The following STK17A variants were observed in gnomAD, a reference collection of about 807,000 sequenced individuals.
STK17A encodes the protein serine/threonine-protein kinase 17A.
Under a neutral mutation model 43.7 loss-of-function variants are expected in STK17A, and 26 were observed. The ratio of observed to expected loss-of-function variants is 0.60; its 90% confidence interval spans 0.44 to 0.83. The LOEUF (loss-of-function observed/expected upper bound fraction) is 0.83, where lower values mean the gene tolerates loss of function less well. Ranked by LOEUF, STK17A falls within the 40% of genes least tolerant of loss-of-function variation. The pLI, the probability that STK17A is intolerant of heterozygous loss-of-function variation, is 0.00. For missense variants in STK17A, 476 were observed against 511.6 expected (o/e 0.93, Z 0.67); for synonymous variants, 191 against 182.5 (o/e 1.05, Z -0.38).
intron 3 of STK17A, 146 bp downstream of exon 3, chr7:43,608,546 T>C (rs920533556): frequency 2.3e-5 from 20 of 868,322 alleles, no homozygotes; most frequent in Non-Finnish European, 3.4e-5. Context: ...TCCTATCCTC[T>C]AGCCAGTTAG....
At position 43,608,361 on chromosome 7, in the gene STK17A, CTT is replaced by C; in HGVS notation, c.529_530del (p.Leu177ThrfsTer4). On this transcript the variant is annotated frameshift_variant, in exon 3 of 7. Coordinates refer to ENST00000319357, the MANE Select transcript of STK17A (RefSeq NM_004760.3). LOFTEE classifies it high-confidence loss of function. ...TGCGACAGATTTTAGAAGGTGTTCA[CTT>C]TTTACACACTCGTGATGTAGTTCAT... ...LMRQILEGVHFLHTRDVVHLD... is the reference protein window; with the variant it reads ...LMRQILEGVHXLHTRDVVHLD... 1 of 1,613,878 alleles carries C rather than the reference CTT, an allele frequency of 6.2e-7. No homozygotes were observed. The highest frequency in any genetic ancestry group is 8.5e-7 in the Non-Finnish European group (1 of 1,179,946).
At position 43,623,621 on chromosome 7, in the gene STK17A, G is replaced by A. The variant is rs1377929074; in HGVS notation, c.740+1G>A. 1 of 1,610,532 alleles carries A rather than the reference G, an allele frequency of 6.2e-7. No homozygotes were observed. The highest frequency in any genetic ancestry group is 8.5e-7 in the Non-Finnish European group (1 of 1,178,764). ...CTATAAGCATGGCAACAGATATGTG[G>A]TAAGAGTTATTAATGAAAAATTGAT... On this transcript the variant is annotated splice_donor_variant, in intron 5 of 6. Coordinates refer to ENST00000319357, the MANE Select transcript of STK17A (RefSeq NM_004760.3). LOFTEE classifies it high-confidence loss of function.
Position 43,623,821 on chromosome 7 carries a change from G to T in STK17A, c.853G>T (p.Glu285Ter). 6.2e-7 allele frequency: 1 copy of T among 1,602,778 alleles called. No homozygotes were observed. Among genetic ancestry groups the T allele is most frequent in the South Asian group, 1.1e-5 (1 of 87,984 alleles). ...ISQMNLSYSE[E>*]EFDVLSESAV... ...ACAGATGAATTTAAGTTATTCTGAG[G>T]AAGAATTTGATGTTTTGTCTGAGTC... The change falls in exon 6 of 7, where the codon GAA becomes TAA. Residue 285 changes from glutamate (E) to a stop codon, truncating the protein, a stop_gained. Coordinates refer to ENST00000319357, the MANE Select transcript of STK17A (RefSeq NM_004760.3). LOFTEE classifies it high-confidence loss of function.
chr7:43,586,302 T>C (rs2152970228), intron 1 of STK17A, among the ~76,000 whole-genome samples: 1 of 151,664 alleles, frequency 6.6e-6, no homozygotes, highest in South Asian at 2.1e-4. Flanking sequence ...ATCTAAAACT[T>C]TCAATGAGAT....
At chr7:43,593,113 A>G (rs1053458347) in intron 1 of STK17A, among the ~76,000 whole-genome samples, 3 of 152,062 alleles carry the variant, frequency 2.0e-5, no homozygotes, top group African/African-American at 7.3e-5. Context: ...TTTCCACTCT[A>G]TGCCTGTGTA....
intron 3 of STK17A, among the ~76,000 whole-genome samples, chr7:43,610,930 A>G (rs139423265): frequency 9.1e-4 from 139 of 152,280 alleles, no homozygotes; most frequent in African/African-American, 3.2e-3. Context: ...CAGCCTAGCC[A>G]ACATGGTGAA....
In STK17A at chr7:43,627,323, A is replaced by ATT. The variant is rs1156661900; in HGVS notation, c.*2485_*2486dup. On this transcript the variant is annotated 3_prime_UTR_variant, in exon 7 of 7. Coordinates refer to ENST00000319357, the MANE Select transcript of STK17A (RefSeq NM_004760.3). ...AGATGCTCATTGTTGAATCTCTTAA[A>ATT]TTTTTCCAGCTAACCTCAGTTTGGA... 6.6e-6 allele frequency among the ~76,000 whole-genome samples: 1 copy of ATT among 152,198 alleles called. No homozygotes were observed. The highest frequency in any genetic ancestry group is 1.5e-5 in the Non-Finnish European group (1 of 68,032).
In STK17A at chr7:43,624,554, C is replaced by G. The variant is rs764769769; in HGVS notation, c.957C>G (p.Pro319=). Reference sequence around the variant, plus strand: ...CTGCTGAAGAATGTCTAAAGCACCCCTGGTTGACACAGAGCAGTATTCAAG... The same window carrying G: ...CTGCTGAAGAATGTCTAAAGCACCCGTGGTTGACACAGAGCAGTATTCAAG... The part of the protein sequence containing the change: ...RATAEECLKH[P]WLTQSSIQEP... The change falls in exon 7 of 7, where the codon CCC becomes CCG. Residue 319 remains proline, a synonymous_variant. Coordinates refer to ENST00000319357, the MANE Select transcript of STK17A (RefSeq NM_004760.3). 4 of 1,613,816 alleles carry G rather than the reference C, an allele frequency of 2.5e-6. No individual in the cohort carries two copies. Among genetic ancestry groups the G allele is most frequent in the Non-Finnish European group, 2.5e-6 (3 of 1,179,888 alleles).
intron 3 of STK17A, among the ~76,000 whole-genome samples, chr7:43,614,763 G>A (rs2083195272): frequency 6.6e-6 from 1 of 152,182 alleles, no homozygotes; most frequent in Non-Finnish European, 1.5e-5. Context: ...GTGTATCATA[G>A]ATGCATGTAA....
intron 3 of STK17A, among the ~76,000 whole-genome samples, chr7:43,611,106 G>T (rs1156676056): frequency 6.6e-6 from 1 of 152,198 alleles, no homozygotes; most frequent in Non-Finnish European, 1.5e-5. Context: ...GACAGAATGA[G>T]ACTCCGTCTC....
chr7:43,587,148 T>G lies in STK17A; in HGVS notation c.206+3699T>G, dbSNP rs182698318. Among the ~76,000 whole-genome samples the G allele has an allele frequency of 3.4e-4, 36 of 106,372 alleles. 3 individuals carry two copies. The Admixed American group carries it at 3.9e-3, about 12-fold the overall frequency. 69.8% of individuals were successfully genotyped at this position (106,372 alleles called of 152,430 possible). A position where few individuals can be genotyped will look rare whatever the true frequency, so the allele number is the denominator to read the frequency against. On this transcript the variant is annotated intron_variant, in intron 1 of 6. Coordinates refer to ENST00000319357, the MANE Select transcript of STK17A (RefSeq NM_004760.3). The stretch of plus-strand genomic sequence containing the variant: ...TTAATGAAATGATATGTTTTTATTG[T>G]TTTTTGTTTTTTTTTTTTTTTTTTG...
intron 3 of STK17A, among the ~76,000 whole-genome samples, chr7:43,609,928 C>A (rs1259614626): frequency 6.6e-6 from 1 of 152,232 alleles, no homozygotes; most frequent in Non-Finnish European, 1.5e-5. Flanking sequence ...CTGACCCAGA[C>A]ATGAATCAGA....
Position 43,624,772 on chromosome 7 carries a change from A to T in STK17A, c.1175A>T (p.Lys392Met). The change falls in exon 7 of 7, where the codon AAG becomes ATG. Residue 392 changes from lysine to methionine, a missense_variant. Lys to Met is a moderately conservative substitution (Grantham distance 95, BLOSUM62 -1). Around this residue, in one of 3 missense-constraint regions of STK17A, gnomAD observed 110 missense variants for 103.7 expected, o/e 1.06. Transcript: ENST00000319357. ...TCTGAAAAAGAGAAAATGGAGCAAA[A>T]GGCCATTTCCAAACGATTTAAATTT... is the stretch of plus-strand genomic sequence containing the variant. ...RQSEKEKMEQ[K>M]AISKRFKFEE... The T allele has an allele frequency of 6.2e-7, 1 of 1,613,134 alleles. No individual in the cohort carries two copies. The highest frequency in any genetic ancestry group is 1.1e-5 in the South Asian group (1 of 90,886).
chr7:43,612,329 A>G (rs114682754), intron 3 of STK17A, among the ~76,000 whole-genome samples: 2 of 152,196 alleles, frequency 1.3e-5, no homozygotes, highest in African/African-American at 4.8e-5. Flanking sequence ...TATGGCAACC[A>G]TGCATGCGGG....
At chr7:43,616,319 C>T (rs35408818) in intron 3 of STK17A, among the ~76,000 whole-genome samples, 22,279 of 152,084 alleles carry the variant, frequency 0.15, 2,176 homozygotes, top group Non-Finnish European at 0.21. Flanking sequence ...GACAGTAGGG[C>T]GTTCTTATTG....
intron 1 of STK17A, among the ~76,000 whole-genome samples, chr7:43,587,299 C>T (rs1453893971): frequency 2.0e-5 from 3 of 150,428 alleles, no homozygotes; most frequent in Non-Finnish European, 3.0e-5. Context: ...GGACTATAGG[C>T]GCCTGCCACC....
intron 4 of STK17A, among the ~76,000 whole-genome samples, chr7:43,620,060 T>TG (rs1479445591): frequency 2.0e-5 from 3 of 152,204 alleles, no homozygotes; most frequent in Admixed American, 6.5e-5. Flanking sequence ...AAGGATGTTC[T>TG]GGTTGATAAC....
At chr7:43,614,053 T>C (rs2083117581) in intron 3 of STK17A, among the ~76,000 whole-genome samples, 1 of 152,168 alleles carries the variant, frequency 6.6e-6, no homozygotes, top group Admixed American at 6.5e-5. Context: ...TAATAGTTAA[T>C]ATACTAGAAC....
Position 43,583,203 on chromosome 7 carries a change from G to C in STK17A, c.-41G>C, listed in dbSNP as rs751644275. On this transcript the variant is annotated 5_prime_UTR_variant, in exon 1 of 7. Transcript: ENST00000319357. ...CGGGTCCGTGACCCTCCGGCTGCTCGGAGTGAACAGGCGGCCAGGAAAGAA... is the reference window on the plus strand; with the variant it reads ...CGGGTCCGTGACCCTCCGGCTGCTCCGAGTGAACAGGCGGCCAGGAAAGAA... The C allele has an allele frequency of 1.9e-6, 3 of 1,549,906 alleles. No homozygotes were observed. Among genetic ancestry groups the C allele is most frequent in the Admixed American group, 3.8e-5 (2 of 53,222 alleles).
Sources: allele counts gnomAD v4.1 joint callset (sites outside exome capture counted in the v4.1 genomes callset), GRCh38; gene constraint gnomAD v4.1.1; regional missense constraint gnomAD v4.1.1; transcripts MANE v1.5; gene names NCBI Gene and HGNC (gene_info 2026-07-23, HGNC 2026-07-21).